ZFP91: variants seen among roughly 807,000 people sequenced by gnomAD.
ZFP91 encodes E3 ubiquitin-protein ligase ZFP91.
A neutral mutation model predicts 63.5 loss-of-function variants in ZFP91; 7 were observed. That is an observed-to-expected ratio of 0.11 (90% CI 0.06 to 0.21). The LOEUF is 0.21. Among genes scored for constraint, ZFP91 ranks in the 10% least tolerant of loss-of-function variants. The pLI is 1.00. For synonymous variants in ZFP91, 330 were observed against 272.1 expected (o/e 1.21, Z -2.10); for missense variants, 628 against 736.6 (o/e 0.85, Z 1.71).
At position 58,580,093 on chromosome 11, in the gene ZFP91, C is replaced by CTTTT. The variant is rs11416026; in HGVS notation, c.341+481_341+484dup. Among the ~76,000 whole-genome samples, 901 of 144,388 alleles carry CTTTT rather than the reference C, an allele frequency of 6.2e-3. 17 individuals are homozygous for CTTTT. The highest frequency in any genetic ancestry group is 5.0e-3 in the Non-Finnish European group (329 of 66,022). 94.7% of individuals were successfully genotyped at this position (144,388 alleles called of 152,430 possible). A position where few individuals can be genotyped will look rare whatever the true frequency, so the allele number is the denominator to read the frequency against. On this transcript the variant is annotated intron_variant, in intron 1 of 10. Coordinates refer to ENST00000316059, the MANE Select transcript of ZFP91 (RefSeq NM_053023.5). ...CAGATGTACTAGTGTGTTTATGTAG[C>CTTTT]TTTTTTTTTTTTTCACTTTTCTAAA... is the stretch of plus-strand genomic sequence containing the variant.
rs1855790518 is a variant in ZFP91 at position 58,618,485 on chromosome 11, G to A, written c.*779G>A. 3 of 369,544 alleles carry A rather than the reference G, an allele frequency of 8.1e-6. No individual in the cohort carries two copies. Among genetic ancestry groups the A allele is most frequent in the Non-Finnish European group, 1.6e-5 (3 of 190,858 alleles). 22.9% of individuals were successfully genotyped at this position (369,544 alleles called of 1,614,324 possible). On this transcript the variant is annotated 3_prime_UTR_variant, in exon 11 of 11. Transcript: ENST00000316059. ...CTGTATCAGTGAGACGATGAGAAAA[G>A]TCCCAGGCTAATGGCAGAAATTTGC...
chr11:58,619,498 A>G lies in ZFP91; in HGVS notation c.*1792A>G, dbSNP rs1855810923. 6.6e-6 allele frequency: 1 copy of G among 152,566 alleles called. No homozygotes were observed. Among genetic ancestry groups the G allele is most frequent in the Non-Finnish European group, 1.5e-5 (1 of 68,028 alleles). The allele number at this position is 152,566 out of a possible 1,614,324, so 9.5% of individuals were successfully genotyped here. Reference sequence around the variant, plus strand: ...CGTTTTGCTGGAAAAAAAAAAAAGAACAGTTTGTGTTTCACAAACATGGCT... The same window carrying G: ...CGTTTTGCTGGAAAAAAAAAAAAGAGCAGTTTGTGTTTCACAAACATGGCT... On this transcript the variant is annotated 3_prime_UTR_variant, in exon 11 of 11. Coordinates refer to ENST00000316059, the MANE Select transcript of ZFP91 (RefSeq NM_053023.5).
At chr11:58,597,330 C>T (rs1022121360) in intron 2 of ZFP91, among the ~76,000 whole-genome samples, 3 of 152,108 alleles carry the variant, frequency 2.0e-5, no homozygotes, top group Admixed American at 6.6e-5. Flanking sequence ...GCTTACTTCC[C>T]CACCTTACTA....
At chr11:58,600,709 A>G (rs1855478689) in intron 2 of ZFP91, among the ~76,000 whole-genome samples, 1 of 152,144 alleles carries the variant, frequency 6.6e-6, no homozygotes, top group East Asian at 1.9e-4. Flanking sequence ...GAAGTGAAGA[A>G]TGAGGGCATC....
At chr11:58,582,362 G>A (rs977904151) in intron 1 of ZFP91, among the ~76,000 whole-genome samples, 16 of 152,118 alleles carry the variant, frequency 1.1e-4, no homozygotes, top group African/African-American at 3.9e-4. Flanking sequence ...AGTCATTTCT[G>A]TTTTCCAAAT....
At position 58,597,051 on chromosome 11, in the gene ZFP91, A is replaced by G. The variant is rs566750784; in HGVS notation, c.370+12167A>G. Among the ~76,000 whole-genome samples the G allele has an allele frequency of 2.6e-5, 4 of 152,304 alleles. No individual in the cohort carries two copies. The East Asian group carries it at 7.7e-4, about 29-fold the overall frequency. ...TTAAATTCATGAGGTAACCAGGGGC[A>G]TTGTCCAATATCAAAAGAACCATAA... On this transcript the variant is annotated intron_variant, in intron 2 of 10. Transcript: ENST00000316059.
At position 58,579,268 on chromosome 11, in the gene ZFP91, A is replaced by G; in HGVS notation, c.-14A>G. The G allele has an allele frequency of 1.4e-6, 2 of 1,418,656 alleles. No individual in the cohort carries two copies. Among genetic ancestry groups the G allele is most frequent in the Non-Finnish European group, 9.1e-7 (1 of 1,096,466 alleles). The allele number at this position is 1,418,656 out of a possible 1,614,324, so 87.9% of individuals were successfully genotyped here. A position where few individuals can be genotyped will look rare whatever the true frequency, so the allele number is the denominator to read the frequency against. On this transcript the variant is annotated 5_prime_UTR_variant, in exon 1 of 11. Coordinates refer to ENST00000316059, the MANE Select transcript of ZFP91 (RefSeq NM_053023.5). ...GCCGCCTAGGACTAGGGGGTGGGGGACGGACAAGCCCCGATGCCGGGGGAG... is the reference window on the plus strand; with the variant it reads ...GCCGCCTAGGACTAGGGGGTGGGGGGCGGACAAGCCCCGATGCCGGGGGAG...
In ZFP91 at chr11:58,610,048, C is replaced by T. The variant is rs376846642; in HGVS notation, c.580+9C>T. On this transcript the variant is annotated intron_variant, in intron 3 of 10. Transcript: ENST00000316059. ...AGACCAACTTGATTATGGTACAGTG[C>T]AACTAGAATATGGCTGTTTACTAAC... 9.5e-5 allele frequency: 153 copies of T among 1,613,582 alleles called. 1 individual carries two copies. The South Asian group carries it at 1.6e-3, about 16-fold the overall frequency.
At chr11:58,589,604 T>C (rs1388482707) in intron 2 of ZFP91, among the ~76,000 whole-genome samples, 1 of 152,236 alleles carries the variant, frequency 6.6e-6, no homozygotes. Flanking sequence ...TCTGACAATA[T>C]AATGTTCAAG....
intron 1 of ZFP91, among the ~76,000 whole-genome samples, chr11:58,581,171 T>G (rs1236546491): frequency 1.3e-5 from 2 of 152,172 alleles, no homozygotes; most frequent in Non-Finnish European, 2.9e-5. Context: ...GATCCTTGAG[T>G]GGTTTGTAGT....
intron 5 of ZFP91, 57 bp from the exon 6 acceptor site, chr11:58,611,547 C>T: frequency 6.4e-7 from 1 of 1,569,332 alleles, no homozygotes. Flanking sequence ...AATTTGTTGT[C>T]ATAGTCTTCC....
At position 58,619,215 on chromosome 11, in the gene ZFP91, T is replaced by G. The variant is rs1855805671; in HGVS notation, c.*1509T>G. 6.6e-6 allele frequency: 1 copy of G among 152,462 alleles called. No homozygotes were observed. The highest frequency in any genetic ancestry group is 2.1e-4 in the South Asian group (1 of 4,834). The allele number at this position is 152,462 out of a possible 1,614,324, so 9.4% of individuals were successfully genotyped here. On this transcript the variant is annotated 3_prime_UTR_variant, in exon 11 of 11. Coordinates refer to ENST00000316059, the MANE Select transcript of ZFP91 (RefSeq NM_053023.5). ...AATCCTATATAATAATTGCTTTGGC[T>G]TTCACCTAAAATTCTGGGCATCACA... is the stretch of plus-strand genomic sequence containing the variant.
rs1316457143 is a variant in ZFP91 at position 58,618,519 on chromosome 11, CAT to C, written c.*814_*815del. 1.1e-5 allele frequency: 4 copies of C among 380,636 alleles called. No homozygotes were observed. Among genetic ancestry groups the C allele is most frequent in the African/African-American group, 2.1e-5 (1 of 47,060 alleles). The allele number at this position is 380,636 out of a possible 1,614,324, so 23.6% of individuals were successfully genotyped here. On this transcript the variant is annotated 3_prime_UTR_variant, in exon 11 of 11. Transcript: ENST00000316059. Reference sequence around the variant, plus strand: ...TAATGGCAGAAATTTGCACTTTGAACATGTGTGTTTTTGTGTTGTGGAACCTG... The same window carrying C: ...TAATGGCAGAAATTTGCACTTTGAACGTGTGTTTTTGTGTTGTGGAACCTG...
chr11:58,579,701 T>C, intron 1 of ZFP91, 79 bp downstream of exon 1: 1 of 1,315,234 alleles, frequency 7.6e-7, no homozygotes, highest in Non-Finnish European at 1.0e-6. Context: ...TAGCGCCTAC[T>C]CCACGTGACA....
chr11:58,593,420 G>A (rs7944349), intron 2 of ZFP91, among the ~76,000 whole-genome samples: 1 of 152,054 alleles, frequency 6.6e-6, no homozygotes, highest in Non-Finnish European at 1.5e-5. Flanking sequence ...TTAGTGCTAC[G>A]CTTGTATATG....
At chr11:58,614,453 G>A in intron 9 of ZFP91, 110 bp downstream of exon 9, 2 of 760,784 alleles carry the variant, frequency 2.6e-6, no homozygotes, top group East Asian at 3.0e-5. Context: ...CTATAGTCAA[G>A]TGCGGGGAAA....
At chr11:58,602,883 G>T (rs187507872) in intron 2 of ZFP91, among the ~76,000 whole-genome samples, 1 of 152,298 alleles carries the variant, frequency 6.6e-6, no homozygotes, top group East Asian at 1.9e-4. Flanking sequence ...GGAGGCTGAG[G>T]CAGGAGAATT....
intron 8 of ZFP91, among the ~76,000 whole-genome samples, 163 bp downstream of exon 8, chr11:58,613,003 A>G (rs1263948497): frequency 6.6e-6 from 1 of 152,172 alleles, no homozygotes; most frequent in Non-Finnish European, 1.5e-5. Context: ...ATTTATGCCT[A>G]GTGTTCCATT....
At chr11:58,616,275 TC>T (rs373515207) in intron 9 of ZFP91, among the ~76,000 whole-genome samples, 32 of 144,116 alleles carry the variant, frequency 2.2e-4, no homozygotes, top group Admixed American at 1.9e-3. Flanking sequence ...AGTGCCAAGT[TC>T]TTGTTTTTTG....
Sources: gnomAD v4.1 joint callset for allele counts (sites outside exome capture counted in the v4.1 genomes callset) on GRCh38, gnomAD v4.1.1 for gene constraint, MANE v1.5 for transcripts, NCBI Gene and HGNC (gene_info 2026-07-23, HGNC 2026-07-21) for gene names.